Variants in ROBO1 observed in about 807,000 individuals in gnomAD.
ROBO1 encodes the protein roundabout homolog 1.
A neutral mutation model predicts 195.9 loss-of-function variants in ROBO1; 149 were observed. The ratio of observed to expected loss-of-function variants is 0.76; its 90% CI spans 0.67 to 0.87. ROBO1 has a LOEUF of 0.87. Ranked by LOEUF, ROBO1 falls within the 40% of genes least tolerant of loss-of-function variation. The probability of loss-of-function intolerance (pLI) is 0.00; values close to 1 mark genes in which losing one functional copy is unlikely to be tolerated. For missense variants in ROBO1, 1,933 were observed against 2,068.3 expected (o/e 0.93, Z 1.27); for synonymous variants, 816 against 733.2 (o/e 1.11, Z -1.82).
intron 3 of ROBO1, among the ~76,000 whole-genome samples, chr3:79,007,634 ATTAT>A (rs1289745320): frequency 6.6e-6 from 1 of 152,210 alleles, no homozygotes; most frequent in Non-Finnish European, 1.5e-5. Context: ...ATGTTTTAAA[ATTAT>A]TTGTTTTTTA....
chr3:78,686,167 T>G (rs138450749), intron 9 of ROBO1, among the ~76,000 whole-genome samples: 3 of 152,254 alleles, frequency 2.0e-5, no homozygotes, highest in Non-Finnish European at 4.4e-5. Flanking sequence ...GGTTTAATAA[T>G]CTAACCTCAA....
intron 4 of ROBO1, among the ~76,000 whole-genome samples, chr3:78,769,560 G>A (rs1179359076): frequency 6.9e-6 from 1 of 145,254 alleles, no homozygotes; most frequent in East Asian, 2.1e-4. Flanking sequence ...TTCAATGTTA[G>A]TATTGAGATG....
intron 1 of ROBO1, among the ~76,000 whole-genome samples, chr3:79,689,752 T>G (rs1040385940): frequency 6.6e-6 from 1 of 152,086 alleles, no homozygotes; most frequent in African/African-American, 2.4e-5. Flanking sequence ...TATAGTGTTA[T>G]CCTTACTTTT....
At chr3:78,800,807 G>A (rs1325349839) in intron 4 of ROBO1, among the ~76,000 whole-genome samples, 2 of 151,826 alleles carry the variant, frequency 1.3e-5, no homozygotes, top group Non-Finnish European at 2.9e-5. Flanking sequence ...CTTGTAATCC[G>A]CCCACCTCTG....
At chr3:79,070,065 T>C (rs1470363259) in intron 3 of ROBO1, among the ~76,000 whole-genome samples, 2 of 151,748 alleles carry the variant, frequency 1.3e-5, no homozygotes, top group African/African-American at 4.8e-5. Context: ...TGTTTATTTA[T>C]TGACTACTTT....
intron 1 of ROBO1, among the ~76,000 whole-genome samples, chr3:79,612,993 A>C (rs1944711172): frequency 6.6e-6 from 1 of 151,576 alleles, no homozygotes; most frequent in Admixed American, 6.6e-5. Context: ...TTAAGGATGG[A>C]TTTTCAGATA....
At chr3:78,962,718 G>A (rs545125159) in intron 3 of ROBO1, among the ~76,000 whole-genome samples, 30 of 151,154 alleles carry the variant, frequency 2.0e-4, no homozygotes, top group Admixed American at 1.1e-3. Context: ...CAGCTACTCG[G>A]GAGGTTGAGG....
chr3:78,681,829 G>T (rs2080919863), intron 10 of ROBO1, among the ~76,000 whole-genome samples: 1 of 152,154 alleles, frequency 6.6e-6, no homozygotes, highest in Non-Finnish European at 1.5e-5. Context: ...CTGAACCTGG[G>T]AGGCGGAGCT....
At chr3:78,815,261 G>A (rs1465360775) in intron 4 of ROBO1, among the ~76,000 whole-genome samples, 2 of 152,104 alleles carry the variant, frequency 1.3e-5, no homozygotes, top group African/African-American at 4.8e-5. Context: ...AGATCACTGA[G>A]GAAGGCATGT....
chr3:79,584,749 C>T (rs554360399), intron 2 of ROBO1, among the ~76,000 whole-genome samples: 8 of 150,758 alleles, frequency 5.3e-5, no homozygotes, highest in African/African-American at 1.5e-4. Flanking sequence ...CCTCTGCAAC[C>T]TTCACTAAGC....
At chr3:78,820,539 CTGT>C (rs555633753) in intron 4 of ROBO1, among the ~76,000 whole-genome samples, 239 of 152,294 alleles carry the variant, frequency 1.6e-3, no homozygotes, top group African/African-American at 5.6e-3. Context: ...AAAGTAGCTA[CTGT>C]TTAAATGATT....
chr3:79,656,522 C>G (rs1946168845), intron 1 of ROBO1, among the ~76,000 whole-genome samples: 1 of 151,886 alleles, frequency 6.6e-6, no homozygotes, highest in Non-Finnish European at 1.5e-5. Flanking sequence ...TTTTGTCTAT[C>G]AATTATCTAT....
rs1319981097 is a variant in ROBO1 at position 78,853,522 on chromosome 3, T to A, written c.499+85079A>T. The stretch of plus-strand genomic sequence containing the variant: ...ATATATTGTGATGGTTAATTTTGTA[T>A]GATCTTGGCTGGGCTATGGTACCCA... On this transcript the variant is annotated intron_variant, in intron 4 of 30. Coordinates refer to ENST00000464233, the MANE Select transcript of ROBO1 (RefSeq NM_002941.4). 2.0e-5 allele frequency among the ~76,000 whole-genome samples: 3 copies of A among 151,816 alleles called. No individual in the cohort carries two copies. In the East Asian group the frequency reaches 5.8e-4, roughly 29 times the overall value.
At chr3:78,959,758 T>C (rs768408210) in intron 3 of ROBO1, among the ~76,000 whole-genome samples, 6 of 152,184 alleles carry the variant, frequency 3.9e-5, no homozygotes, top group Non-Finnish European at 5.9e-5. Context: ...TTCACAATGA[T>C]ACCATGAAAA....
intron 3 of ROBO1, among the ~76,000 whole-genome samples, chr3:78,996,427 A>C (rs1302894520): frequency 6.6e-6 from 1 of 151,996 alleles, no homozygotes; most frequent in Non-Finnish European, 1.5e-5. Context: ...CCTACCTCCA[A>C]ACCTTTGTAC....
chr3:78,731,344 T>C (rs1454512803), intron 5 of ROBO1, among the ~76,000 whole-genome samples: 1 of 152,082 alleles, frequency 6.6e-6, no homozygotes, highest in Admixed American at 6.5e-5. Context: ...GTTGCTTCCA[T>C]ATAAACCGAT....
At chr3:79,559,172 C>T (rs1333086011) in intron 2 of ROBO1, among the ~76,000 whole-genome samples, 1 of 152,192 alleles carries the variant, frequency 6.6e-6, no homozygotes, top group Non-Finnish European at 1.5e-5. Flanking sequence ...TCTAGCCAGT[C>T]AGCTGATGTA....
chr3:79,295,393 G>C (rs1435161144), intron 2 of ROBO1, among the ~76,000 whole-genome samples: 2 of 152,102 alleles, frequency 1.3e-5, no homozygotes, highest in African/African-American at 2.4e-5. Context: ...AGTGGGAGTT[G>C]AAAAATGATA....
intron 8 of ROBO1, 150 bp downstream of exon 8, chr3:78,714,247 T>A: frequency 1.4e-6 from 1 of 707,392 alleles, no homozygotes; most frequent in Non-Finnish European, 2.1e-6. Context: ...CAAAACAATA[T>A]GTGTTCTTTA....
Sources: gnomAD v4.1 joint callset for allele counts (sites outside exome capture counted in the v4.1 genomes callset) on GRCh38, gnomAD v4.1.1 for gene constraint, MANE v1.5 for transcripts, NCBI Gene and HGNC (gene_info 2026-07-23, HGNC 2026-07-21) for gene names.